ADA2: variants seen among roughly 807,000 people sequenced by gnomAD.
The protein encoded by ADA2 is adenosine deaminase CECR1.
In ADA2, 29 loss-of-function variants were observed where a neutral mutation model predicts 44.2. The ratio of observed to expected loss-of-function variants is 0.66; its 90% CI spans 0.49 to 0.89. The LOEUF is 0.89. ADA2 is among the 40% of genes least tolerant of loss of function. The pLI is 0.00. For missense variants in ADA2, 637 were observed against 644.8 expected (o/e 0.99, Z 0.13); for synonymous variants, 215 against 234.9 (o/e 0.92, Z 0.77).
intron 1 of ADA2, among the ~76,000 whole-genome samples, chr22:17,212,474 A>G (rs2062429046): frequency 6.6e-6 from 1 of 152,058 alleles, no homozygotes; most frequent in Admixed American, 6.6e-5. Context: ...GAGTTTCACT[A>G]TGTTGCCCAG....
rs752626692 is a variant in ADA2 at position 17,207,178 on chromosome 22, C to G, written c.435G>C (p.Gln145His). 5.4e-5 allele frequency: 87 copies of G among 1,614,098 alleles called. No individual in the cohort carries two copies. The highest frequency in any genetic ancestry group is 8.3e-5 in the Admixed American group (5 of 60,006). Residue 145 changes from glutamine (Q) to histidine (H), a missense_variant, in exon 3 of 10, where the codon CAG becomes CAC. Transcript: ENST00000399837. ...GGGGAGTTGGGTGAGCAAATCTGAA[C>G]TGCATGATCCCCCTTGGGGTGAAAC... ...HICFTPRGIMQFRFAHPTPRP... is the reference protein window; with the variant it reads ...HICFTPRGIMHFRFAHPTPRP...
chr22:17,215,463 G>A (rs994038758), intron 1 of ADA2, among the ~76,000 whole-genome samples: 36 of 151,726 alleles, frequency 2.4e-4, no homozygotes, highest in Non-Finnish European at 4.4e-4. Context: ...AAAATTAGCT[G>A]AGCGTGGTGG....
At chr22:17,184,020 G>T (rs2062006941) in intron 7 of ADA2, among the ~76,000 whole-genome samples, 1 of 141,600 alleles carries the variant, frequency 7.1e-6, no homozygotes, top group Admixed American at 7.3e-5. Context: ...GTGCAGTGGT[G>T]CAGTCTCGGC....
At chr22:17,217,487 A>T (rs2062484632) in intron 1 of ADA2, among the ~76,000 whole-genome samples, 1 of 152,216 alleles carries the variant, frequency 6.6e-6, no homozygotes, top group African/African-American at 2.4e-5. Flanking sequence ...ATCTCCTCAC[A>T]CAAGGCTCTA....
chr22:17,199,436 C>CCTCTTCCCCTCCCTCCCCTCCACAATA, intron 4 of ADA2: 1 of 1,000,784 alleles, frequency 1.0e-6, no homozygotes, highest in Non-Finnish European at 1.6e-6. Context: ...CCTCCTCTAT[C>CCTCTTCCCCTCCCTCCCCTCCACAATA]CTCTTCCCCT....
At chr22:17,188,886 T>TATATATATATATATATATATATA (rs1491152456) in intron 6 of ADA2, among the ~76,000 whole-genome samples, 16 of 59,572 alleles carry the variant, frequency 2.7e-4, no homozygotes, top group Middle Eastern at 8.8e-3. Context: ...TATATATATA[T>TATATATATATATATATATATATA]TTTGTAAAGA....
In ADA2 at chr22:17,203,743, C is replaced by G. The variant is rs766764689; in HGVS notation, c.573G>C (p.Gln191His). 1 of 1,614,012 alleles carries G rather than the reference C, an allele frequency of 6.2e-7. No individual in the cohort carries two copies. Among genetic ancestry groups the G allele is most frequent in the Non-Finnish European group, 8.5e-7 (1 of 1,179,880 alleles). ...SLLRNFTLVTQHPEVIYTNQN... is the reference protein window; with the variant it reads ...SLLRNFTLVTHHPEVIYTNQN... Reference sequence around the variant, plus strand: ...GGTTTGTGTAAATCACCTCCGGGTGCTGGGTCACCAGAGTGAAATTCCTCA... The same window carrying G: ...GGTTTGTGTAAATCACCTCCGGGTGGTGGGTCACCAGAGTGAAATTCCTCA... The change falls in exon 4 of 10, where the codon CAG (glutamine) becomes CAC (histidine). Residue 191 changes from glutamine (Q) to histidine (H), a missense_variant. Physicochemically the swap from Gln to His is conservative, Grantham distance 24. Transcript: ENST00000399837.
At chr22:17,182,576 T>C (rs370448970) in intron 8 of ADA2, 28 bp downstream of exon 8, 3 of 1,611,896 alleles carry the variant, frequency 1.9e-6, no homozygotes, top group East Asian at 2.2e-5. Context: ...GGAGATCATA[T>C]GGGATTAGCC....
In ADA2 at chr22:17,209,663, G is replaced by A. The variant is rs765451096; in HGVS notation, c.15C>T (p.Gly5=). The change falls in exon 2 of 10, where the codon GGC becomes GGT. Residue 5 remains glycine (G), a synonymous_variant. Coordinates refer to ENST00000399837, the MANE Select transcript of ADA2 (RefSeq NM_001282225.2). The part of the protein sequence containing the change: MLVD[G]PSERPALCFL... ...AGCACAGGGCTGGCCGCTCAGATGG[G>A]CCATCCACCAACATCGGGATGCCTG... is the stretch of plus-strand genomic sequence containing the variant. The A allele has an allele frequency of 9.9e-6, 16 of 1,612,194 alleles. No homozygotes were observed. The highest frequency in any genetic ancestry group is 1.7e-5 in the Admixed American group (1 of 59,968).
Position 17,191,691 on chromosome 22 carries a change from C to A in ADA2, c.873G>T (p.Ser291=), listed in dbSNP as rs750384809. Residue 291 remains serine, a synonymous_variant, in exon 5 of 10, where the codon TCG becomes TCT. Transcript: ENST00000399837. ...GCAATATTCTCTCTCACCTGTGATC[C>A]GAATAAATGATTTTGATTCCAATAA... ...PEFIGIKIIY[S]DHRSKDVAVI... is the part of the protein sequence containing the mutation. 1 of 1,613,874 alleles carries A rather than the reference C, an allele frequency of 6.2e-7. No homozygotes were observed. Among genetic ancestry groups the A allele is most frequent in the Non-Finnish European group, 8.5e-7 (1 of 1,179,896 alleles).
intron 1 of ADA2, among the ~76,000 whole-genome samples, chr22:17,215,553 C>T (rs1188355873): frequency 6.6e-6 from 1 of 151,628 alleles, no homozygotes; most frequent in African/African-American, 2.4e-5. Context: ...TTGCAGTGAG[C>T]CGAGATCATG....
At position 17,181,973 on chromosome 22, in the gene ADA2, A is replaced by C; in HGVS notation, c.1289T>G (p.Met430Arg). 3 of 1,614,218 alleles carry C rather than the reference A, an allele frequency of 1.9e-6. No individual in the cohort carries two copies. Among genetic ancestry groups the C allele is most frequent in the Non-Finnish European group, 2.5e-6 (3 of 1,180,030 alleles). Residue 430 changes from methionine (M) to arginine (R), a missense_variant, in exon 9 of 10, where the codon ATG becomes AGG. Physicochemically the swap from Met to Arg is moderately conservative, Grantham distance 91 (BLOSUM62 -1). Coordinates refer to ENST00000399837, the MANE Select transcript of ADA2 (RefSeq NM_001282225.2). ...GATCACCATGGGGTGCCCAGTGGCCATCAGAGTGGCTACAGGGTGGTTCCT... is the reference window on the plus strand; with the variant it reads ...GATCACCATGGGGTGCCCAGTGGCCCTCAGAGTGGCTACAGGGTGGTTCCT... ...DLRNHPVATL[M>R]ATGHPMVISS...
rs762701854 is a variant in ADA2 at position 17,181,571 on chromosome 22, C to A, written c.1448G>T (p.Ser483Ile). Residue 483 changes from serine (S) to isoleucine (I), a missense_variant, in exon 10 of 10, where the codon AGT becomes ATT. Coordinates refer to ENST00000399837, the MANE Select transcript of ADA2 (RefSeq NM_001282225.2). ...ATTTTTCTCACTCTCCAACAGGGTA[C>A]TGTACCTGCAGGAAGAGGAGGAGCC... The part of the protein sequence containing the change: ...KQLAMNSIKY[S>I]TLLESEKNTF... 2 of 1,608,406 alleles carry A rather than the reference C, an allele frequency of 1.2e-6. No individual in the cohort carries two copies. The highest frequency in any genetic ancestry group is 1.7e-6 in the Non-Finnish European group (2 of 1,175,210).
chr22:17,205,617 G>C (rs1029873421), intron 3 of ADA2, among the ~76,000 whole-genome samples: 1 of 152,172 alleles, frequency 6.6e-6, no homozygotes, highest in African/African-American at 2.4e-5. Context: ...TTCATAAAGG[G>C]AAGTAACCTC....
chr22:17,193,186 C>T (rs2062142889), intron 4 of ADA2: 3 of 1,363,082 alleles, frequency 2.2e-6, no homozygotes, highest in South Asian at 1.2e-5. Flanking sequence ...GCAACAATCT[C>T]CCTGTGCTGA....
At chr22:17,215,398 G>A (rs938577967) in intron 1 of ADA2, among the ~76,000 whole-genome samples, 8 of 152,218 alleles carry the variant, frequency 5.3e-5, no homozygotes, top group African/African-American at 1.9e-4. Context: ...ACGAGGTCAG[G>A]GGTTTGAGAC....
At chr22:17,221,612 G>A (rs1307852051), upstream of ADA2, 1 of 152,224 alleles carries the variant, frequency 6.6e-6, no homozygotes, top group Non-Finnish European at 1.5e-5. Flanking sequence ...CCTTGGCAAG[G>A]GTGTGGCAGC....
At chr22:17,188,742 G>C (rs2062072168) in intron 6 of ADA2, 1 of 185,444 alleles carries the variant, frequency 5.4e-6, no homozygotes, top group South Asian at 1.1e-4. Context: ...ATCCAGGTGT[G>C]GTAGCGGGTG....
intron 2 of ADA2, among the ~76,000 whole-genome samples, chr22:17,207,900 G>A (rs189395053): frequency 3.0e-4 from 45 of 152,154 alleles, no homozygotes; most frequent in Non-Finnish European, 1.3e-4. Flanking sequence ...CTTCTGGCCT[G>A]CAGGCTTTGC....
Sources: gnomAD v4.1 joint callset for allele counts (sites outside exome capture counted in the v4.1 genomes callset) on GRCh38, gnomAD v4.1.1 for gene constraint, MANE v1.5 for transcripts, NCBI Gene and HGNC (gene_info 2026-07-23, HGNC 2026-07-21) for gene names.